The following RBFOX3 variants were observed in gnomAD, a reference collection of about 807,000 sequenced individuals.
RBFOX3 encodes the protein RNA binding protein fox-1 homolog 3.
Under a neutral mutation model 48.7 loss-of-function variants are expected in RBFOX3, and 17 were observed. The ratio of observed to expected loss-of-function variants is 0.35; its 90% CI spans 0.24 to 0.52. RBFOX3 has a LOEUF of 0.52. Ranked by LOEUF, RBFOX3 falls within the 20% of genes least tolerant of loss-of-function variation. The pLI is 0.94. For synonymous variants in RBFOX3, 212 were observed against 209.5 expected (o/e 1.01, Z -0.10); for missense variants, 382 against 497.5 (o/e 0.77, Z 2.21).
At chr17:79,120,699 T>TGGGTGGGTGGGTGGACGGAA (rs2035484640) in intron 4 of RBFOX3, among the ~76,000 whole-genome samples, 1 of 54,962 alleles carries the variant, frequency 1.8e-5, no homozygotes, top group African/African-American at 7.5e-5. Flanking sequence ...GATAGATGGG[T>TGGGTGGGTGGGTGGACGGAA]GGGTGGGTGG....
At chr17:79,132,394 T>C (rs919893911) in intron 4 of RBFOX3, among the ~76,000 whole-genome samples, 1 of 152,208 alleles carries the variant, frequency 6.6e-6, no homozygotes, top group African/African-American at 2.4e-5. Flanking sequence ...CCCTATTCCA[T>C]GCACGTCCCT....
chr17:79,468,650 GATGA>G (rs1213725844), intron 2 of RBFOX3, among the ~76,000 whole-genome samples: 1 of 151,504 alleles, frequency 6.6e-6, no homozygotes, highest in African/African-American at 2.4e-5. Context: ...AGGATGGATG[GATGA>G]ATGGATGGAT....
intron 1 of RBFOX3, among the ~76,000 whole-genome samples, chr17:79,546,667 C>CTCT (rs1555792021): frequency 1.7e-5 from 2 of 120,380 alleles, no homozygotes; most frequent in African/African-American, 3.9e-5. Context: ...CTTCCTCATT[C>CTCT]TATTTTTTTT....
chr17:79,565,275 AAG>A (rs2092413604), intron 1 of RBFOX3, among the ~76,000 whole-genome samples: 1 of 152,002 alleles, frequency 6.6e-6, no homozygotes, highest in South Asian at 2.1e-4. Flanking sequence ...ACTTTTTGCA[AAG>A]AGACACTATT....
At chr17:79,628,689 T>A in the RBFOX3 span, among the ~76,000 whole-genome samples, 1 of 152,226 alleles carries the variant, frequency 6.6e-6, no homozygotes, top group Non-Finnish European at 1.5e-5. Context: ...ACCTTACCCA[T>A]GAGGCAGCAA....
chr17:79,464,566 G>C (rs551416452), intron 2 of RBFOX3, among the ~76,000 whole-genome samples: 1 of 152,256 alleles, frequency 6.6e-6, no homozygotes, highest in African/African-American at 2.4e-5. Flanking sequence ...CAGACGCCGG[G>C]GGGAGGCAAG....
chr17:79,411,521 G>T (rs2064337206), intron 2 of RBFOX3, among the ~76,000 whole-genome samples: 1 of 152,098 alleles, frequency 6.6e-6, no homozygotes, highest in South Asian at 2.1e-4. Context: ...GTCTCCATCA[G>T]TTCCCTCCTT....
chr17:79,545,197 T>C (rs1844812333), intron 1 of RBFOX3, among the ~76,000 whole-genome samples: 1 of 152,198 alleles, frequency 6.6e-6, no homozygotes, highest in South Asian at 2.1e-4. Flanking sequence ...TGTGCTTGCA[T>C]GCACGCTAAG....
At chr17:79,514,915 T>C (rs1033258756) in intron 1 of RBFOX3, among the ~76,000 whole-genome samples, 47 of 152,242 alleles carry the variant, frequency 3.1e-4, no homozygotes, top group African/African-American at 1.0e-3. Context: ...TGGGGAGCTT[T>C]CCAGAAAGAC....
At chr17:79,251,345 C>T (rs1018920275) in intron 3 of RBFOX3, among the ~76,000 whole-genome samples, 9 of 152,178 alleles carry the variant, frequency 5.9e-5, no homozygotes, top group African/African-American at 1.4e-4. Flanking sequence ...GGGCCTCTCC[C>T]GAAACCTCCT....
intron 4 of RBFOX3, among the ~76,000 whole-genome samples, chr17:79,188,769 G>A (rs1303100156): frequency 1.3e-5 from 2 of 152,180 alleles, no homozygotes; most frequent in African/African-American, 2.4e-5. Context: ...GCTCTACACC[G>A]AGCAAAAGGA....
chr17:79,106,272 T>C (rs975157314), intron 6 of RBFOX3, among the ~76,000 whole-genome samples: 5 of 151,802 alleles, frequency 3.3e-5, no homozygotes, highest in African/African-American at 1.2e-4. Context: ...AGCCAGAATG[T>C]GGGAACAGGG....
intron 14 of RBFOX3, chr17:79,092,172 G>C: frequency 1.0e-6 from 1 of 985,496 alleles, no homozygotes; most frequent in Non-Finnish European, 1.2e-6. Flanking sequence ...CCTGCCAGGC[G>C]TTTCTGTTGT....
intron 5 of RBFOX3, among the ~76,000 whole-genome samples, chr17:79,112,888 C>A (rs1823615264): frequency 1.2e-5 from 1 of 84,592 alleles, no homozygotes; most frequent in South Asian, 4.1e-4. Context: ...TGGTGCCAAC[C>A]TGGGCAGCAG....
intron 1 of RBFOX3, among the ~76,000 whole-genome samples, chr17:79,498,554 T>A (rs1555775775): frequency 7.1e-6 from 1 of 140,234 alleles, no homozygotes; most frequent in East Asian, 2.4e-4. Context: ...CCCATCCGTC[T>A]ACTCATGCAC....
intron 1 of RBFOX3, chr17:79,600,373 A>ACGTG (rs1434249127): frequency 1.3e-5 from 2 of 151,914 alleles, no homozygotes; most frequent in Non-Finnish European, 2.9e-5. Context: ...TACAATCTAC[A>ACGTG]CGTGTGCATG....
chr17:79,294,044 A>T (rs2073906769), intron 3 of RBFOX3, among the ~76,000 whole-genome samples: 1 of 152,198 alleles, frequency 6.6e-6, no homozygotes, highest in Non-Finnish European at 1.5e-5. Context: ...GCAGGTACAG[A>T]TTCATACAGA....
At chr17:79,095,628 G>A (rs1390282363) in intron 12 of RBFOX3, 54 bp from the exon 13 acceptor site, 1 of 1,486,594 alleles carries the variant, frequency 6.7e-7, no homozygotes, top group East Asian at 2.5e-5. Context: ...GGCTCCCCAG[G>A]GAAAGGCTGA....
intron 3 of RBFOX3, among the ~76,000 whole-genome samples, chr17:79,260,995 C>T (rs879180381): frequency 6.6e-6 from 1 of 152,092 alleles, no homozygotes; most frequent in Admixed American, 6.5e-5. Context: ...TTCCCTCCCT[C>T]CCTCCCGTCC....
Sources: allele counts gnomAD v4.1 joint callset (sites outside exome capture counted in the v4.1 genomes callset), GRCh38; gene constraint gnomAD v4.1.1; transcripts MANE v1.5; gene names NCBI Gene and HGNC (gene_info 2026-07-23, HGNC 2026-07-21).